The following TFAP2E variants were observed in gnomAD, a reference collection of about 807,000 sequenced individuals.
The protein encoded by TFAP2E is transcription factor AP-2-epsilon.
A neutral mutation model predicts 37.9 loss-of-function variants in TFAP2E; 30 were observed. The ratio of observed to expected loss-of-function variants is 0.79; its 90% confidence interval spans 0.59 to 1.07. The LOEUF is 1.07. Ranked by LOEUF, TFAP2E falls within the 50% of genes least tolerant of loss-of-function variation. TFAP2E has a pLI of 0.00. For missense variants in TFAP2E, 567 were observed against 637.9 expected, an observed-to-expected ratio of 0.89 and a Z score of 1.20; for synonymous variants, 318 against 295.8, an observed-to-expected ratio of 1.08 and a Z score of -0.77.
rs1200229717 is a variant in TFAP2E at position 35,573,973 on chromosome 1, C to A, written c.74C>A (p.Ser25Ter). Residue 25 changes from serine (S) to a stop codon, truncating the protein, a stop_gained, in exon 2 of 7, where the codon TCG (serine) becomes TAG (stop). Transcript: ENST00000373235. LOFTEE classifies it high-confidence loss of function. The surrounding 1 kb of genome is among the most constrained non-coding windows in gnomAD (Gnocchi z 5.9). ...LGAAAGGARL[S>*]SLPQAAYGPA... ...GCAGCTGCCGGCGGGGCCCGCCTGT[C>A]GTCTCTGCCCCAGGCGGCCTACGGG... 3.4e-6 allele frequency: 5 copies of A among 1,478,428 alleles called. No homozygotes were observed. The highest frequency in any genetic ancestry group is 1.5e-5 in the African/African-American group (1 of 67,866). 91.6% of individuals were successfully genotyped at this position (1,478,428 alleles called of 1,614,324 possible). A position where few individuals can be genotyped will look rare whatever the true frequency, so the allele number is the denominator to read the frequency against.
chr1:35,579,557 G>C (rs1649287696), intron 3 of TFAP2E, among the ~76,000 whole-genome samples: 1 of 151,896 alleles, frequency 6.6e-6, no homozygotes, highest in Non-Finnish European at 1.5e-5. Flanking sequence ...ACCACGCCCA[G>C]CTAATTTTTG....
At position 35,594,625 on chromosome 1, in the gene TFAP2E, TG is replaced by T. The variant is rs1388339390; in HGVS notation, c.1281del (p.His428MetfsTer34). ...DKMFLSSVGS[G>X]HGETKASEKD... ...AGATGTTTCTAAGCAGTGTGGGCAG[TG>T]GGCATGGTGAAACCAAGGCTTCGGA... On this transcript the variant is annotated frameshift_variant, in exon 7 of 7. Coordinates refer to ENST00000373235, the MANE Select transcript of TFAP2E (RefSeq NM_178548.4). LOFTEE classifies it high-confidence loss of function. 1 of 1,614,178 alleles carries T rather than the reference TG, an allele frequency of 6.2e-7. No individual in the cohort carries two copies. The highest frequency in any genetic ancestry group is 1.3e-5 in the African/African-American group (1 of 75,040).
In TFAP2E at chr1:35,573,859, G is replaced by A; in HGVS notation, c.28-68G>A. Reference sequence around the variant, plus strand: ...CAGCTGAACCCTCCCGAGCTGAGGAGGATCCTTTCAGGCTGGGGTCCTTTC... The same window carrying A: ...CAGCTGAACCCTCCCGAGCTGAGGAAGATCCTTTCAGGCTGGGGTCCTTTC... On this transcript the variant is annotated intron_variant, in intron 1 of 6. Coordinates refer to ENST00000373235, the MANE Select transcript of TFAP2E (RefSeq NM_178548.4). The surrounding 1 kb of genome is among the most constrained non-coding windows in gnomAD (Gnocchi z 5.9). 1 of 1,403,470 alleles carries A rather than the reference G, an allele frequency of 7.1e-7. No homozygotes were observed. Among genetic ancestry groups the A allele is most frequent in the Non-Finnish European group, 9.2e-7 (1 of 1,086,418 alleles). The allele number at this position is 1,403,470 out of a possible 1,614,324, so 86.9% of individuals were successfully genotyped here. A position where few individuals can be genotyped will look rare whatever the true frequency, so the allele number is the denominator to read the frequency against.
At chr1:35,585,292 G>GA (rs972369961) in intron 3 of TFAP2E, among the ~76,000 whole-genome samples, 12 of 152,288 alleles carry the variant, frequency 7.9e-5, no homozygotes, top group African/African-American at 2.6e-4. Context: ...AGATTTCACA[G>GA]AAAAATCCAG....
At position 35,577,744 on chromosome 1, in the gene TFAP2E, A is replaced by G. The variant is rs955055331; in HGVS notation, c.562+2744A>G. 3.2e-5 allele frequency: 8 copies of G among 253,336 alleles called. No individual in the cohort carries two copies. Among genetic ancestry groups the G allele is most frequent in the Non-Finnish European group, 5.7e-5 (7 of 122,302 alleles). 15.7% of individuals were successfully genotyped at this position (253,336 alleles called of 1,614,324 possible). On this transcript the variant is annotated intron_variant, in intron 3 of 6. Coordinates refer to ENST00000373235, the MANE Select transcript of TFAP2E (RefSeq NM_178548.4). The surrounding 1 kb of genome is among the most constrained non-coding windows in gnomAD (Gnocchi z 6.3). ...TCGCAGGGCCCAGACCTGGGTTGGAAAAGCTTCGCTGACTGCAGGCAAGCG... is the reference window on the plus strand; with the variant it reads ...TCGCAGGGCCCAGACCTGGGTTGGAGAAGCTTCGCTGACTGCAGGCAAGCG...
chr1:35,592,014 A>C (rs1005782767), intron 6 of TFAP2E, among the ~76,000 whole-genome samples: 1 of 152,144 alleles, frequency 6.6e-6, no homozygotes, highest in Non-Finnish European at 1.5e-5. Context: ...CAGGCCAGGC[A>C]AGGTGGCTCA....
intron 3 of TFAP2E, among the ~76,000 whole-genome samples, chr1:35,580,515 C>T (rs1367658085): frequency 6.6e-6 from 1 of 152,092 alleles, no homozygotes; most frequent in South Asian, 2.1e-4. Context: ...AATCCCAGCA[C>T]TTTGGGAGGC....
chr1:35,579,848 C>G (rs766102883), intron 3 of TFAP2E, among the ~76,000 whole-genome samples: 17 of 152,170 alleles, frequency 1.1e-4, no homozygotes, highest in Non-Finnish European at 2.5e-4. Flanking sequence ...TTGGACTTTA[C>G]CTGAAAATGG....
intron 6 of TFAP2E, 139 bp from the exon 7 acceptor site, chr1:35,594,255 C>T (rs1028421814): frequency 1.8e-6 from 2 of 1,086,506 alleles, no homozygotes; most frequent in East Asian, 2.6e-5. Context: ...CTGTAAAAAA[C>T]AGTATGGTCA....
chr1:35,590,119 T>C lies in TFAP2E; in HGVS notation c.904+71T>C. 1.4e-6 allele frequency: 2 copies of C among 1,421,228 alleles called. No homozygotes were observed. The highest frequency in any genetic ancestry group is 2.0e-6 in the Non-Finnish European group (2 of 1,007,496). 88.0% of individuals were successfully genotyped at this position (1,421,228 alleles called of 1,614,324 possible). A position where few individuals can be genotyped will look rare whatever the true frequency, so the allele number is the denominator to read the frequency against. ...GTGAGTTGTCTGGTGTGACTGTCTC[T>C]AATGCAGGAGGGTGTGTTTAGTGGT... On this transcript the variant is annotated intron_variant, in intron 5 of 6. Coordinates refer to ENST00000373235, the MANE Select transcript of TFAP2E (RefSeq NM_178548.4). The surrounding 1 kb of genome is among the most constrained non-coding windows in gnomAD (Gnocchi z 6.2).
chr1:35,589,349 G>C (rs1649585930), intron 4 of TFAP2E, among the ~76,000 whole-genome samples: 2 of 151,914 alleles, frequency 1.3e-5, no homozygotes, highest in African/African-American at 2.4e-5. Context: ...GCGTCTTGGA[G>C]GATCTCTGTG....
chr1:35,582,539 C>CG (rs1649379445), intron 3 of TFAP2E, among the ~76,000 whole-genome samples: 1 of 148,784 alleles, frequency 6.7e-6, no homozygotes, highest in Non-Finnish European at 1.5e-5. Flanking sequence ...AACAGGGTCC[C>CG]GCTATGTTGC....
intron 3 of TFAP2E, among the ~76,000 whole-genome samples, chr1:35,587,156 G>A (rs1649505208): frequency 6.6e-6 from 1 of 152,176 alleles, no homozygotes; most frequent in Non-Finnish European, 1.5e-5. Context: ...CCTCACTCCT[G>A]ATGTACACAC....
intron 6 of TFAP2E, among the ~76,000 whole-genome samples, chr1:35,592,319 A>C (rs894672978): frequency 1.3e-5 from 2 of 151,858 alleles, no homozygotes; most frequent in African/African-American, 4.8e-5. Context: ...TAGTTCTTCC[A>C]AAAGAGTTCT....
At chr1:35,583,603 AGTGT>A (rs201106841) in intron 3 of TFAP2E, among the ~76,000 whole-genome samples, 5,833 of 137,898 alleles carry the variant, frequency 0.042, 154 homozygotes, top group African/African-American at 0.084. Context: ...TGTCTGCAGG[AGTGT>A]GTGTGTGTGT....
chr1:35,581,158 A>G (rs1649340207), intron 3 of TFAP2E, among the ~76,000 whole-genome samples: 1 of 152,224 alleles, frequency 6.6e-6, no homozygotes, highest in Non-Finnish European at 1.5e-5. Flanking sequence ...TTAGCATAAT[A>G]TTTTTGAGGC....
At position 35,595,006 on chromosome 1, in the gene TFAP2E, C is replaced by A; in HGVS notation, c.*330C>A. 6.0e-6 allele frequency: 2 copies of A among 335,542 alleles called. No individual in the cohort carries two copies. Among genetic ancestry groups the A allele is most frequent in the Non-Finnish European group, 1.1e-5 (2 of 182,226 alleles). 20.8% of individuals were successfully genotyped at this position (335,542 alleles called of 1,614,324 possible). A position where few individuals can be genotyped will look rare whatever the true frequency, so the allele number is the denominator to read the frequency against. Reference sequence around the variant, plus strand: ...CTTTCCATTAGCGTGGCTGGGTGGCCGTGGGTGCTTCTAGAGGCCAAAGCC... The same window carrying A: ...CTTTCCATTAGCGTGGCTGGGTGGCAGTGGGTGCTTCTAGAGGCCAAAGCC... On this transcript the variant is annotated 3_prime_UTR_variant, in exon 7 of 7. Coordinates refer to ENST00000373235, the MANE Select transcript of TFAP2E (RefSeq NM_178548.4).
At chr1:35,587,127 C>T (rs1414849702) in intron 3 of TFAP2E, among the ~76,000 whole-genome samples, 3 of 152,142 alleles carry the variant, frequency 2.0e-5, no homozygotes, top group African/African-American at 7.2e-5. Flanking sequence ...AGCTGTTAGT[C>T]CCAGACTCCA....
chr1:35,573,522 G>T lies in TFAP2E; in HGVS notation c.-56G>T. 6.8e-7 allele frequency: 1 copy of T among 1,463,232 alleles called. No homozygotes were observed. The allele number at this position is 1,463,232 out of a possible 1,614,324, so 90.6% of individuals were successfully genotyped here. On this transcript the variant is annotated 5_prime_UTR_variant, in exon 1 of 7. Transcript: ENST00000373235. This position sits in a 1 kb window ranked among gnomAD's most constrained non-coding sequence, Gnocchi z 5.9. Reference sequence around the variant, plus strand: ...CCCGGCGCCTCTGCCCGCAGCGCTCGCCGTCGGGCTAGGGCTCCGCCGCCG... The same window carrying T: ...CCCGGCGCCTCTGCCCGCAGCGCTCTCCGTCGGGCTAGGGCTCCGCCGCCG...
Sources: gnomAD v4.1 joint callset for allele counts (sites outside exome capture counted in the v4.1 genomes callset) on GRCh38, gnomAD v4.1.1 for gene constraint, Gnocchi (gnomAD v3.1) non-coding constraint, MANE v1.5 for transcripts, NCBI Gene and HGNC (gene_info 2026-07-23, HGNC 2026-07-21) for gene names.